Variants in PPM1G observed in about 807,000 individuals in gnomAD.
PPM1G encodes protein phosphatase 1G.
Under a neutral mutation model 59.4 loss-of-function variants are expected in PPM1G, and 12 were observed. That is an observed-to-expected ratio of 0.20 (90% CI 0.13 to 0.33). The LOEUF is 0.33. Ranked by LOEUF, PPM1G falls within the 10% of genes least tolerant of loss-of-function variation. The pLI, the probability that PPM1G is intolerant of heterozygous loss-of-function variation, is 1.00. For synonymous variants in PPM1G, 245 were observed against 251.9 expected (o/e 0.97, Z 0.26); for missense variants, 392 against 681.3 (o/e 0.58, Z 4.73).
intron 1 of PPM1G, among the ~76,000 whole-genome samples, chr2:27,408,286 G>A (rs770409418): frequency 2.0e-5 from 3 of 152,178 alleles, no homozygotes; most frequent in Non-Finnish European, 4.4e-5. Context: ...AGCCCACCCG[G>A]TAGGTGGAGA....
chr2:27,386,151 A>G (rs746568398), intron 3 of PPM1G, 43 bp downstream of exon 3: 1 of 1,539,056 alleles, frequency 6.5e-7, no homozygotes, highest in South Asian at 1.1e-5. Flanking sequence ...GAACAAGGGA[A>G]AAGCCTACAC....
intron 1 of PPM1G, chr2:27,392,840 CG>C: frequency 1.4e-6 from 2 of 1,478,126 alleles, no homozygotes; most frequent in Non-Finnish European, 1.9e-6. Context: ...TATTCTGCCA[CG>C]CCAGATTCGG....
intron 1 of PPM1G, among the ~76,000 whole-genome samples, chr2:27,403,269 C>T (rs1314723017): frequency 6.6e-6 from 1 of 151,726 alleles, no homozygotes; most frequent in Non-Finnish European, 1.5e-5. Context: ...CATGGGAAAA[C>T]CCCTTCTCTA....
At chr2:27,406,767 C>T (rs1450969710) in intron 1 of PPM1G, among the ~76,000 whole-genome samples, 2 of 151,524 alleles carry the variant, frequency 1.3e-5, no homozygotes, top group African/African-American at 2.4e-5. Context: ...AAGAAGGGTA[C>T]CAAAGAAATG....
Position 27,381,478 on chromosome 2 carries a change from C to A in PPM1G, c.*121G>T. 1.7e-6 allele frequency: 2 copies of A among 1,156,472 alleles called. No individual in the cohort carries two copies. The highest frequency in any genetic ancestry group is 2.5e-6 in the Non-Finnish European group (2 of 792,410). 71.6% of individuals were successfully genotyped at this position (1,156,472 alleles called of 1,614,324 possible). A position where few individuals can be genotyped will look rare whatever the true frequency, so the allele number is the denominator to read the frequency against. ...CCTCTTTGGAATGGGCGGAGTGAAG[C>A]CACCCAGCTCCCCCTGCACACCTCA... On this transcript the variant is annotated 3_prime_UTR_variant, in exon 10 of 10. Coordinates refer to ENST00000344034, the MANE Select transcript of PPM1G (RefSeq NM_177983.3).
chr2:27,406,428 A>T (rs1413198670), intron 1 of PPM1G, among the ~76,000 whole-genome samples: 1 of 152,192 alleles, frequency 6.6e-6, no homozygotes, highest in Non-Finnish European at 1.5e-5. Context: ...ATCCCAAACA[A>T]TACTCTTCAA....
In PPM1G at chr2:27,409,530, G is replaced by C. The variant is rs756259625; in HGVS notation, c.-108C>G. 40 of 1,298,178 alleles carry C rather than the reference G, an allele frequency of 3.1e-5. No individual in the cohort carries two copies. Among genetic ancestry groups the C allele is most frequent in the Non-Finnish European group, 3.9e-5 (40 of 1,015,266 alleles). The allele number at this position is 1,298,178 out of a possible 1,614,324, so 80.4% of individuals were successfully genotyped here. A position where few individuals can be genotyped will look rare whatever the true frequency, so the allele number is the denominator to read the frequency against. On this transcript the variant is annotated 5_prime_UTR_variant, in exon 1 of 10. Transcript: ENST00000344034. ...CAGGAGCAGGCCCCGCGGCGCGACC[G>C]ACGCAAGGTGCCGGTGAAAGGCGCG...
intron 1 of PPM1G, 36 bp from the exon 2 acceptor site, chr2:27,387,194 G>C: frequency 6.4e-7 from 1 of 1,554,660 alleles, no homozygotes; most frequent in Non-Finnish European, 8.9e-7. Flanking sequence ...ATGTCTCAAG[G>C]TCGAAGAATA....
intron 1 of PPM1G, among the ~76,000 whole-genome samples, chr2:27,394,107 G>A (rs1572665227): frequency 6.6e-6 from 1 of 151,598 alleles, no homozygotes; most frequent in South Asian, 2.1e-4. Context: ...ATATTGGTCA[G>A]GCTGGTCTCG....
Position 27,382,338 on chromosome 2 carries a change from G to C in PPM1G, c.1332-110C>G. The C allele has an allele frequency of 6.4e-6, 10 of 1,551,250 alleles. No homozygotes were observed. The highest frequency in any genetic ancestry group is 8.0e-6 in the Non-Finnish European group (9 of 1,130,386). ...GTGTAAATAACTACAGAAATTCTCAGCTCTGCCTTAGTCTGGGTGCTCTTC... is the reference window on the plus strand; with the variant it reads ...GTGTAAATAACTACAGAAATTCTCACCTCTGCCTTAGTCTGGGTGCTCTTC... On this transcript the variant is annotated intron_variant, in intron 8 of 9. Transcript: ENST00000344034. The surrounding 1 kb of genome is among the most constrained non-coding windows in gnomAD (Gnocchi z 4.2).
intron 1 of PPM1G, among the ~76,000 whole-genome samples, chr2:27,407,629 T>C (rs1180481624): frequency 3.3e-5 from 5 of 152,190 alleles, no homozygotes; most frequent in Admixed American, 2.0e-4. Flanking sequence ...TGGTGAAATA[T>C]GAATGCTATG....
chr2:27,394,935 A>G (rs952799106), intron 1 of PPM1G, among the ~76,000 whole-genome samples: 2 of 151,880 alleles, frequency 1.3e-5, no homozygotes, highest in African/African-American at 4.8e-5. Context: ...AAAAATAATA[A>G]TAATAAAAAT....
intron 1 of PPM1G, among the ~76,000 whole-genome samples, chr2:27,390,387 T>C (rs1477770542): frequency 6.6e-6 from 1 of 152,178 alleles, no homozygotes; most frequent in African/African-American, 2.4e-5. Context: ...CAAATCCTTC[T>C]CCTTCAAGGT....
At chr2:27,393,735 C>T (rs1015962981) in intron 1 of PPM1G, among the ~76,000 whole-genome samples, 2 of 151,986 alleles carry the variant, frequency 1.3e-5, no homozygotes, top group Non-Finnish European at 2.9e-5. Flanking sequence ...CAGGTGCGTG[C>T]CACCACACCC....
At chr2:27,391,095 CAT>C (rs1006198722) in intron 1 of PPM1G, among the ~76,000 whole-genome samples, 85 of 152,316 alleles carry the variant, frequency 5.6e-4, no homozygotes, top group Admixed American at 4.4e-3. Context: ...CTGATGGGCA[CAT>C]GAGTTGATTC....
chr2:27,393,017 A>C, intron 1 of PPM1G: 1 of 1,477,112 alleles, frequency 6.8e-7, no homozygotes, highest in East Asian at 2.3e-5. Flanking sequence ...TTTTTTTCCA[A>C]ATGTAATGCA....
intron 1 of PPM1G, among the ~76,000 whole-genome samples, chr2:27,388,625 C>T (rs1683823804): frequency 6.6e-6 from 1 of 152,046 alleles, no homozygotes; most frequent in Admixed American, 6.6e-5. Context: ...CCTGTAATCC[C>T]AGCACTTTGG....
chr2:27,391,803 C>G (rs1400854863), intron 1 of PPM1G, among the ~76,000 whole-genome samples: 1 of 150,934 alleles, frequency 6.6e-6, no homozygotes, highest in African/African-American at 2.4e-5. Flanking sequence ...GCGATCTCGG[C>G]TCATCACAAC....
rs538863643 is a variant in PPM1G, at chr2:27,385,149, T to A, written c.410-61A>T. 9.7e-5 allele frequency: 146 copies of A among 1,505,478 alleles called. 3 individuals are homozygous for A. The South Asian group carries it at 1.8e-3, about 19-fold the overall frequency. The allele number at this position is 1,505,478 out of a possible 1,614,324, so 93.3% of individuals were successfully genotyped here. A position where few individuals can be genotyped will look rare whatever the true frequency, so the allele number is the denominator to read the frequency against. On this transcript the variant is annotated intron_variant, in intron 4 of 9. Transcript: ENST00000344034. The surrounding 1 kb of genome is among the most constrained non-coding windows in gnomAD (Gnocchi z 4.1). ...AGACTCCTCATGGGATCCGTCCCTC[T>A]CACTACCTCAACAGCCCTTGCAGCC...
Sources: gnomAD v4.1 joint callset for allele counts (sites outside exome capture counted in the v4.1 genomes callset) on GRCh38, gnomAD v4.1.1 for gene constraint, Gnocchi (gnomAD v3.1) non-coding constraint, MANE v1.5 for transcripts, NCBI Gene and HGNC (gene_info 2026-07-23, HGNC 2026-07-21) for gene names.